Variants in CLPX observed in about 807,000 individuals in gnomAD.
The protein encoded by CLPX is ATP-dependent clpX-like chaperone, mitochondrial.
A neutral mutation model predicts 76.4 loss-of-function variants in CLPX; 34 were observed. The observed-to-expected ratio is 0.45, with a 90% CI of 0.34 to 0.59. CLPX has a LOEUF of 0.59. Ranked by LOEUF, CLPX falls within the 20% of genes least tolerant of loss-of-function variation. CLPX has a pLI of 0.01. For missense variants in CLPX, 613 were observed against 757.0 expected (o/e 0.81, Z 2.23); for synonymous variants, 248 against 270.9 (o/e 0.92, Z 0.83).
intron 8 of CLPX, 126 bp from the exon 9 acceptor site, chr15:65,157,058 G>T: frequency 1.7e-6 from 1 of 592,844 alleles, no homozygotes; most frequent in Non-Finnish European, 2.9e-6. Flanking sequence ...ATATCCAATA[G>T]CTTGACATTA....
rs576155607 is a variant in CLPX, at chr15:65,161,595, A to C, written c.715+1009T>G. 3.9e-5 allele frequency among the ~76,000 whole-genome samples: 6 copies of C among 152,338 alleles called. No homozygotes were observed. The South Asian group carries it at 1.2e-3, about 32-fold the overall frequency. Reference sequence around the variant, plus strand: ...TATATTACATGACATGTCTTTCAAAATATGCACTACAGACTTTCTTTACTA... The same window carrying C: ...TATATTACATGACATGTCTTTCAAACTATGCACTACAGACTTTCTTTACTA... On this transcript the variant is annotated intron_variant, in intron 6 of 13. Transcript: ENST00000300107.
At chr15:65,181,392 A>G (rs1272792461) in intron 1 of CLPX, among the ~76,000 whole-genome samples, 1 of 152,102 alleles carries the variant, frequency 6.6e-6, no homozygotes, top group Non-Finnish European at 1.5e-5. Flanking sequence ...AATGTACTTA[A>G]TACTACCGAA....
chr15:65,164,257 T>A lies in CLPX; in HGVS notation c.514-69A>T, dbSNP rs142232318. On this transcript the variant is annotated intron_variant, in intron 4 of 13. Transcript: ENST00000300107. Reference sequence around the variant, plus strand: ...AAGAGCACACACATTAAAAAGTTATTTACTAAGCATATTTGCTTACAGTTT... The same window carrying A: ...AAGAGCACACACATTAAAAAGTTATATACTAAGCATATTTGCTTACAGTTT... 7.9e-3 allele frequency: 9,929 copies of A among 1,260,116 alleles called. 58 individuals are homozygous for A. Among genetic ancestry groups the A allele is most frequent in the Middle Eastern group, 0.016 (60 of 3,692 alleles). The allele number at this position is 1,260,116 out of a possible 1,614,324, so 78.1% of individuals were successfully genotyped here. A position where few individuals can be genotyped will look rare whatever the true frequency, so the allele number is the denominator to read the frequency against.
At position 65,164,133 on chromosome 15, in the gene CLPX, A is replaced by C. The variant is rs1384387791; in HGVS notation, c.569T>G (p.Leu190Arg). The change falls in exon 5 of 14, where the codon CTT becomes CGT. Residue 190 changes from leucine to arginine, a missense_variant. This residue lies in a region of CLPX where 450 missense variants were observed against 638.6 expected (regional missense o/e 0.70). Transcript: ENST00000300107. ...VVGQSFAKKV[L>R]SVAVYNHYKR... ...ATAATGATTGTACACAGCAACTGAA[A>C]GCACCTTCTTAGCAAATGACTGGCC... 6.2e-7 allele frequency: 1 copy of C among 1,613,122 alleles called. No individual in the cohort carries two copies. The highest frequency in any genetic ancestry group is 8.5e-7 in the Non-Finnish European group (1 of 1,179,568).
At chr15:65,183,460 C>CAAAAAAAAAAAAAAAAAAAAAAA (rs61002905) in intron 1 of CLPX, among the ~76,000 whole-genome samples, 1 of 66,268 alleles carries the variant, frequency 1.5e-5, no homozygotes, top group Non-Finnish European at 2.7e-5. Context: ...GACTCTGTCT[C>CAAAAAAAAAAAAAAAAAAAAAAA]AAAAAAAAAA....
intron 2 of CLPX, among the ~76,000 whole-genome samples, chr15:65,179,490 T>C (rs1475490423): frequency 1.3e-5 from 2 of 152,238 alleles, no homozygotes; most frequent in Non-Finnish European, 1.5e-5. Flanking sequence ...AGTATGGATA[T>C]GTAAGTGTCT....
chr15:65,155,165 C>A, intron 10 of CLPX, 84 bp from the exon 11 acceptor site: 1 of 1,138,078 alleles, frequency 8.8e-7, no homozygotes, highest in East Asian at 2.5e-5. Context: ...TTCATATGAT[C>A]TTTGTAACAA....
chr15:65,158,384 C>T (rs941124311), intron 7 of CLPX, 191 bp downstream of exon 7: 1 of 492,792 alleles, frequency 2.0e-6, no homozygotes, highest in Non-Finnish European at 3.5e-6. Flanking sequence ...TAGGGATTGG[C>T]CTGAAGGGCA....
intron 3 of CLPX, among the ~76,000 whole-genome samples, chr15:65,167,071 G>T (rs1000758580): frequency 2.0e-5 from 3 of 152,030 alleles, no homozygotes; most frequent in African/African-American, 4.8e-5. Flanking sequence ...CACTAAAAAA[G>T]ATTTTTTTTT....
rs573555973 is a variant in CLPX, at chr15:65,180,765, A to G, written c.80-561T>C. 6.6e-5 allele frequency among the ~76,000 whole-genome samples: 10 copies of G among 151,778 alleles called. No individual in the cohort carries two copies. The East Asian group carries it at 1.9e-3, about 29-fold the overall frequency. ...AAAAATAAAAAAAAATTGGCCACGC[A>G]TGGTGGTGGGCGCCTTTAATCCCAG... On this transcript the variant is annotated intron_variant, in intron 1 of 13. Transcript: ENST00000300107.
intron 12 of CLPX, 126 bp downstream of exon 12, chr15:65,153,421 A>G: frequency 4.6e-6 from 3 of 654,468 alleles, no homozygotes; most frequent in Non-Finnish European, 7.9e-6. Context: ...GCACCACTGC[A>G]CTCCTTTATT....
At chr15:65,152,054 C>T (rs1277306633) in intron 13 of CLPX, among the ~76,000 whole-genome samples, 2 of 151,980 alleles carry the variant, frequency 1.3e-5, no homozygotes, top group Non-Finnish European at 2.9e-5. Flanking sequence ...CTCAGCCTCC[C>T]GAGTAGCTGG....
intron 3 of CLPX, among the ~76,000 whole-genome samples, chr15:65,169,674 C>A (rs1217618265): frequency 6.6e-6 from 1 of 151,960 alleles, no homozygotes; most frequent in African/African-American, 2.4e-5. Context: ...CGAGATGGTG[C>A]CCATCGTGCC....
At chr15:65,162,780 A>G (rs565657457) in intron 5 of CLPX, 135 bp from the exon 6 acceptor site, 2 of 565,198 alleles carry the variant, frequency 3.5e-6, no homozygotes, top group South Asian at 2.4e-5. Context: ...CATATATGCT[A>G]TATCTTTTCT....
intron 6 of CLPX, among the ~76,000 whole-genome samples, chr15:65,159,810 TC>T (rs1415846074): frequency 1.0e-3 from 156 of 151,430 alleles, no homozygotes; most frequent in African/African-American, 3.5e-3. Context: ...CATTTTCTTT[TC>T]TTTTTTTTTT....
intron 9 of CLPX, chr15:65,156,625 C>T: frequency 2.2e-5 from 10 of 457,250 alleles, no homozygotes; most frequent in South Asian, 4.6e-5. Flanking sequence ...TTTTTCTGTT[C>T]TTCAAAATAT....
chr15:65,168,587 G>A (rs774327144), intron 3 of CLPX, among the ~76,000 whole-genome samples: 5 of 121,502 alleles, frequency 4.1e-5, no homozygotes, highest in Non-Finnish European at 8.4e-5. Flanking sequence ...ATCACACACC[G>A]GGGCCTGTCA....
intron 4 of CLPX, 117 bp from the exon 5 acceptor site, chr15:65,164,305 T>TGACAA: frequency 1.3e-6 from 1 of 756,800 alleles, no homozygotes; most frequent in South Asian, 2.0e-5. Flanking sequence ...AAGACTCTCA[T>TGACAA]TAAAAACAAA....
rs58733904 is a variant in CLPX at position 65,153,187 on chromosome 15, C to T, written c.1704+360G>A. On this transcript the variant is annotated intron_variant, in intron 12 of 13. Transcript: ENST00000300107. ...AATTCAGGCCAGGCGTGGTGGCTCACGCCTGTAATCCCAGCACTTTGGGAG... is the reference window on the plus strand; with the variant it reads ...AATTCAGGCCAGGCGTGGTGGCTCATGCCTGTAATCCCAGCACTTTGGGAG... Among the ~76,000 whole-genome samples the T allele has an allele frequency of 8.5e-3, 1,277 of 150,336 alleles. 9 individuals carry two copies. The highest frequency in any genetic ancestry group is 9.5e-3 in the African/African-American group (390 of 41,038).
Sources: gnomAD v4.1 joint callset for allele counts (sites outside exome capture counted in the v4.1 genomes callset) on GRCh38, gnomAD v4.1.1 for gene constraint, gnomAD v4.1.1 regional missense constraint, MANE v1.5 for transcripts, NCBI Gene and HGNC (gene_info 2026-07-23, HGNC 2026-07-21) for gene names.